The following ARHGAP22 variants were observed in gnomAD, a reference collection of about 807,000 sequenced individuals.
ARHGAP22 encodes Rho GTPase activating protein 22, also known as rho GTPase-activating protein 22.
A neutral mutation model predicts 59.1 loss-of-function variants in ARHGAP22; 48 were observed. The observed-to-expected ratio is 0.81, with a 90% CI of 0.64 to 1.03. The LOEUF (loss-of-function observed/expected upper bound fraction) is 1.03. ARHGAP22 is among the 50% of genes least tolerant of loss of function. The pLI is 0.00. For missense variants in ARHGAP22, 1,015 were observed against 958.7 expected (o/e 1.06, Z -0.78); for synonymous variants, 445 against 416.4 (o/e 1.07, Z -0.84).
chr10:48,606,352 G>T (rs548079521), upstream of ARHGAP22, among the ~76,000 whole-genome samples: 12 of 152,152 alleles, frequency 7.9e-5, no homozygotes, highest in Non-Finnish European at 1.8e-4. Context: ...TAAGAAGAAA[G>T]ACTCACCAGG....
At chr10:48,563,593 A>G (rs2057853125) in intron 2 of ARHGAP22, among the ~76,000 whole-genome samples, 1 of 152,228 alleles carries the variant, frequency 6.6e-6, no homozygotes, top group African/African-American at 2.4e-5. Flanking sequence ...CACATGTTCC[A>G]GGGATTAGGA....
intron 3 of ARHGAP22, among the ~76,000 whole-genome samples, chr10:48,552,876 A>G (rs1432938058): frequency 6.6e-6 from 1 of 152,222 alleles, no homozygotes; most frequent in East Asian, 1.9e-4. Flanking sequence ...CAACTGCTGT[A>G]ACAGGAAGCC....
At chr10:48,569,946 C>T (rs1307893696) in intron 2 of ARHGAP22, among the ~76,000 whole-genome samples, 1 of 152,204 alleles carries the variant, frequency 6.6e-6, no homozygotes. Context: ...ATTGCTGATG[C>T]TGTCATTTCA....
chr10:48,450,358 C>T lies in ARHGAP22; in HGVS notation c.1771G>A (p.Glu591Lys). ...AAGGCCTCGGAGCGGCGCGCGTGTT[C>T]CCGGGTGGGGCTGTCCGGCTCGCTG... Reference protein sequence around the residue: ...EPSEPDSPTREHARRSEALQG... With the variant: ...EPSEPDSPTRKHARRSEALQG... Residue 591 changes from glutamate (E) to lysine (K), a missense_variant, in exon 9 of 10, where the codon GAA becomes AAA. Coordinates refer to ENST00000249601, the MANE Select transcript of ARHGAP22 (RefSeq NM_021226.4). 6.3e-7 allele frequency: 1 copy of T among 1,588,990 alleles called. No individual in the cohort carries two copies. The highest frequency in any genetic ancestry group is 8.6e-7 in the Non-Finnish European group (1 of 1,168,280).
intron 8 of ARHGAP22, among the ~76,000 whole-genome samples, chr10:48,452,253 C>A (rs10857570): frequency 0.93 from 141,239 of 152,220 alleles, 66,353 homozygotes; most frequent in East Asian, 1. Context: ...CACAAAGGCC[C>A]GACGCTAGGA....
chr10:48,552,815 T>G lies in ARHGAP22; in HGVS notation c.322+2648A>C, dbSNP rs552756546. On this transcript the variant is annotated intron_variant, in intron 3 of 9. Coordinates refer to ENST00000249601, the MANE Select transcript of ARHGAP22 (RefSeq NM_021226.4). ...TGGTTTAAGGTGGGTTCATCCAATC[T>G]TCTTATTCGTTTTTAGCCCCAACAT... Among the ~76,000 whole-genome samples the G allele has an allele frequency of 7.9e-5, 12 of 152,322 alleles. 1 individual carries two copies. In the South Asian group the frequency reaches 2.5e-3, roughly 32 times the overall value.
chr10:48,555,778 A>G (rs1162838707), intron 2 of ARHGAP22, among the ~76,000 whole-genome samples: 1 of 152,128 alleles, frequency 6.6e-6, no homozygotes, highest in Non-Finnish European at 1.5e-5. Flanking sequence ...ACATGATTGG[A>G]GGAGCTCTGC....
chr10:48,577,350 T>C (rs2058783758), intron 2 of ARHGAP22, among the ~76,000 whole-genome samples: 1 of 152,246 alleles, frequency 6.6e-6, no homozygotes, highest in African/African-American at 2.4e-5. Context: ...GTTCCTCAAA[T>C]GAGAGTGTTT....
At chr10:48,459,209 C>A (rs1025858228) in intron 5 of ARHGAP22, among the ~76,000 whole-genome samples, 1 of 152,148 alleles carries the variant, frequency 6.6e-6, no homozygotes, top group South Asian at 2.1e-4. Flanking sequence ...ATGGCCCCGG[C>A]CCCAGAGCAG....
chr10:48,497,853 C>T (rs1212583125), intron 3 of ARHGAP22, among the ~76,000 whole-genome samples: 1 of 152,190 alleles, frequency 6.6e-6, no homozygotes, highest in Admixed American at 6.5e-5. Flanking sequence ...GGGCCCTGGG[C>T]CCTGACTCTG....
chr10:48,649,031 G>A (rs2062437697), intron 1 of ARHGAP22, among the ~76,000 whole-genome samples: 1 of 152,188 alleles, frequency 6.6e-6, no homozygotes, highest in African/African-American at 2.4e-5. Context: ...AGATCCAGGT[G>A]AGAGCCGACC....
chr10:48,623,359 T>C (rs2061346246), intron 1 of ARHGAP22, among the ~76,000 whole-genome samples: 1 of 152,242 alleles, frequency 6.6e-6, no homozygotes, highest in Admixed American at 6.5e-5. Flanking sequence ...ATTCTAGCTC[T>C]GTGTATTTTA....
chr10:48,499,281 G>A lies in ARHGAP22; in HGVS notation c.323-19517C>T, dbSNP rs75229231. ...GCAGGATGGTACAGATGGCGTGAGA[G>A]CCACAGGCCGCCCACATAGCTGCAC... On this transcript the variant is annotated intron_variant, in intron 3 of 9. Coordinates refer to ENST00000249601, the MANE Select transcript of ARHGAP22 (RefSeq NM_021226.4). Among the ~76,000 whole-genome samples the A allele has an allele frequency of 3.9e-3, 595 of 152,336 alleles. 4 individuals carry two copies. The highest frequency in any genetic ancestry group is 0.013 in the African/African-American group (546 of 41,568).
At chr10:48,542,550 T>G (rs1328178947) in intron 3 of ARHGAP22, among the ~76,000 whole-genome samples, 2 of 152,192 alleles carry the variant, frequency 1.3e-5, no homozygotes, top group Non-Finnish European at 2.9e-5. Context: ...TCCTGCCTCC[T>G]GATTCCCAGG....
chr10:48,525,850 T>C (rs375767128), intron 3 of ARHGAP22, among the ~76,000 whole-genome samples: 6 of 152,194 alleles, frequency 3.9e-5, no homozygotes, highest in African/African-American at 1.4e-4. Flanking sequence ...TGGAGTAAAG[T>C]GGGTGTCAAG....
At chr10:48,469,830 A>T (rs1213595796) in intron 4 of ARHGAP22, among the ~76,000 whole-genome samples, 1 of 152,136 alleles carries the variant, frequency 6.6e-6, no homozygotes, top group Non-Finnish European at 1.5e-5. Flanking sequence ...AGAGACAAAG[A>T]TCCCAACCCT....
At chr10:48,466,949 G>C (rs933046117) in intron 4 of ARHGAP22, among the ~76,000 whole-genome samples, 9 of 152,206 alleles carry the variant, frequency 5.9e-5, no homozygotes, top group African/African-American at 1.9e-4. Context: ...ACCTGCTTTG[G>C]AGCGCCCGCT....
chr10:48,578,457 AC>A (rs1327485235), intron 2 of ARHGAP22, among the ~76,000 whole-genome samples: 1 of 150,806 alleles, frequency 6.6e-6, no homozygotes, highest in Non-Finnish European at 1.5e-5. Context: ...TTTAAATGTC[AC>A]CCTTAACTGG....
At chr10:48,432,983 C>T in the ARHGAP22 span, among the ~76,000 whole-genome samples, 1 of 152,136 alleles carries the variant, frequency 6.6e-6, no homozygotes, top group Non-Finnish European at 1.5e-5. Context: ...ACCATTTCCA[C>T]TTGATTTTTA....
Sources: gnomAD v4.1 joint callset for allele counts (sites outside exome capture counted in the v4.1 genomes callset) on GRCh38, gnomAD v4.1.1 for gene constraint, MANE v1.5 for transcripts, NCBI Gene and HGNC (gene_info 2026-07-23, HGNC 2026-07-21) for gene names.